The following KAZN variants were observed in gnomAD, a reference collection of about 807,000 sequenced individuals.
The protein encoded by KAZN is kazrin, periplakin interacting protein.
Under a neutral mutation model 87.4 loss-of-function variants are expected in KAZN, and 40 were observed. That is an observed-to-expected ratio of 0.46 (90% CI 0.36 to 0.60). The LOEUF (loss-of-function observed/expected upper bound fraction) is 0.60, where lower values mean the gene tolerates loss of function less well. KAZN is among the 20% of genes least tolerant of loss of function. The probability of loss-of-function intolerance (pLI) is 0.00; values close to 1 mark genes in which losing one functional copy is unlikely to be tolerated. For synonymous variants in KAZN, 466 were observed against 458.3 expected (o/e 1.02, Z -0.22); for missense variants, 898 against 1,073.9 (o/e 0.84, Z 2.29).
chr1:14,487,388 T>G (rs1669406094), intron 2 of KAZN, among the ~76,000 whole-genome samples: 1 of 152,190 alleles, frequency 6.6e-6, no homozygotes, highest in African/African-American at 2.4e-5. Flanking sequence ...AGTGAAACAG[T>G]TCAAAGATAC....
intron 1 of KAZN, among the ~76,000 whole-genome samples, chr1:14,730,274 G>A (rs1293362250): frequency 2.0e-5 from 3 of 152,178 alleles, no homozygotes; most frequent in Non-Finnish European, 4.4e-5. Context: ...AGTGGAGACA[G>A]GGTTTCACCA....
At chr1:13,897,712 C>CAA (rs1015205199) in intron 1 of KAZN, among the ~76,000 whole-genome samples, 1 of 152,144 alleles carries the variant, frequency 6.6e-6, no homozygotes, top group Non-Finnish European at 1.5e-5. Context: ...AGCCCAACCC[C>CAA]AAAGGCTGTG....
intron 1 of KAZN, among the ~76,000 whole-genome samples, chr1:14,648,196 T>C (rs1680952911): frequency 6.6e-6 from 1 of 152,156 alleles, no homozygotes; most frequent in Non-Finnish European, 1.5e-5. Context: ...ACCAAGAAAT[T>C]GCACACAAAA....
chr1:14,405,427 T>C (rs1450684288), intron 2 of KAZN, among the ~76,000 whole-genome samples: 1 of 152,176 alleles, frequency 6.6e-6, no homozygotes, highest in African/African-American at 2.4e-5. Context: ...ACTTTGAGTC[T>C]TGGCAGTCCT....
At chr1:14,263,150 C>G (rs1234980107) in intron 2 of KAZN, among the ~76,000 whole-genome samples, 1 of 152,152 alleles carries the variant, frequency 6.6e-6, no homozygotes, top group Non-Finnish European at 1.5e-5. Context: ...TTTGAAGATG[C>G]CTAGAGCTCA....
At chr1:14,875,983 C>T (rs1652726513) in intron 1 of KAZN, among the ~76,000 whole-genome samples, 1 of 152,200 alleles carries the variant, frequency 6.6e-6, no homozygotes, top group Non-Finnish European at 1.5e-5. Flanking sequence ...CTGCTTCAAG[C>T]TCTGTGTGAT....
intron 2 of KAZN, among the ~76,000 whole-genome samples, chr1:14,962,653 T>A (rs1166611104): frequency 6.6e-6 from 1 of 152,180 alleles, no homozygotes; most frequent in African/African-American, 2.4e-5. Flanking sequence ...CTTTATCATG[T>A]AGTGGAGAGT....
At chr1:14,566,519 C>T (rs553522140) in intron 2 of KAZN, among the ~76,000 whole-genome samples, 9 of 152,200 alleles carry the variant, frequency 5.9e-5, no homozygotes, top group Non-Finnish European at 1.2e-4. Context: ...AGAGAGTCAG[C>T]CTGTCCTTTG....
chr1:14,140,415 G>A (rs558330647), intron 1 of KAZN, among the ~76,000 whole-genome samples: 18 of 152,138 alleles, frequency 1.2e-4, no homozygotes, highest in Admixed American at 4.6e-4. Flanking sequence ...TATTAATGAA[G>A]ATCTCGATAA....
intron 2 of KAZN, among the ~76,000 whole-genome samples, chr1:14,260,571 C>T (rs533785370): frequency 6.6e-6 from 1 of 152,260 alleles, no homozygotes; most frequent in East Asian, 1.9e-4. Context: ...ACATCATTAA[C>T]TACGATCCAC....
chr1:14,027,662 A>T (rs1403827407), intron 1 of KAZN, among the ~76,000 whole-genome samples: 2 of 152,226 alleles, frequency 1.3e-5, no homozygotes, highest in Non-Finnish European at 2.9e-5. Flanking sequence ...CTCATCATAT[A>T]GTTAACTTAC....
At chr1:14,748,019 T>C (rs781047181) in intron 1 of KAZN, among the ~76,000 whole-genome samples, 3 of 152,202 alleles carry the variant, frequency 2.0e-5, no homozygotes, top group Non-Finnish European at 4.4e-5. Flanking sequence ...CCCTTGTGAA[T>C]AGAGTGGTGT....
chr1:13,956,219 C>G (rs576795026), intron 1 of KAZN, among the ~76,000 whole-genome samples: 1 of 152,092 alleles, frequency 6.6e-6, no homozygotes, highest in African/African-American at 2.4e-5. Context: ...GTACAGTCTT[C>G]AAGTTGAGTC....
intron 1 of KAZN, among the ~76,000 whole-genome samples, chr1:13,909,593 A>G (rs1231337130): frequency 6.6e-6 from 1 of 152,224 alleles, no homozygotes; most frequent in Non-Finnish European, 1.5e-5. Flanking sequence ...AGAGAATTGC[A>G]AATCAATACT....
At chr1:15,072,502 GT>G (rs1639548970) in intron 8 of KAZN, among the ~76,000 whole-genome samples, 1 of 152,194 alleles carries the variant, frequency 6.6e-6, no homozygotes, top group African/African-American at 2.4e-5. Flanking sequence ...TGAGGTCTGA[GT>G]AGAAACACTT....
intron 2 of KAZN, among the ~76,000 whole-genome samples, chr1:14,244,148 C>T (rs1199583547): frequency 2.0e-5 from 3 of 152,220 alleles, no homozygotes; most frequent in East Asian, 1.9e-4. Flanking sequence ...GAGATATACC[C>T]TCTTTTCAGT....
At chr1:14,885,843 C>T (rs1395376743) in intron 1 of KAZN, among the ~76,000 whole-genome samples, 2 of 152,166 alleles carry the variant, frequency 1.3e-5, no homozygotes, top group South Asian at 2.1e-4. Context: ...TTGTAACACT[C>T]GTCACTACCT....
chr1:13,998,520 A>G (rs888993164), intron 1 of KAZN, among the ~76,000 whole-genome samples: 2 of 152,124 alleles, frequency 1.3e-5, no homozygotes, highest in African/African-American at 2.4e-5. Context: ...GAATAAAGGG[A>G]TGGAGGAATA....
upstream of KAZN, among the ~76,000 whole-genome samples, chr1:14,597,339 A>C (rs1470615172): frequency 1.3e-5 from 2 of 152,140 alleles, no homozygotes; most frequent in Non-Finnish European, 2.9e-5. Context: ...ATGGAGCAAG[A>C]CTGTTTTTAT....
Sources: gnomAD v4.1 joint callset for allele counts (sites outside exome capture counted in the v4.1 genomes callset) on GRCh38, gnomAD v4.1.1 for gene constraint, MANE v1.5 for transcripts, NCBI Gene and HGNC (gene_info 2026-07-23, HGNC 2026-07-21) for gene names.